ELF2: variants seen among roughly 807,000 people sequenced by gnomAD.
ELF2 encodes the protein E74 like ETS transcription factor 2.
ELF2 carries 11 observed loss-of-function variants against 54.8 expected under a neutral mutation model. That is an observed-to-expected ratio of 0.20 (90% CI 0.13 to 0.33). The LOEUF (loss-of-function observed/expected upper bound fraction) is 0.33. Among genes scored for constraint, ELF2 ranks in the 10% least tolerant of loss-of-function variants. The pLI is 1.00. For synonymous variants in ELF2, 203 were observed against 245.1 expected (o/e 0.83, Z 1.61); for missense variants, 513 against 703.0 (o/e 0.73, Z 3.06).
intron 4 of ELF2, among the ~76,000 whole-genome samples, chr4:139,096,916 G>C (rs77455916): frequency 0.011 from 1,701 of 151,898 alleles, 17 homozygotes; most frequent in South Asian, 0.025. Flanking sequence ...TCTTTAATCT[G>C]TCTTTACAGA....
intron 4 of ELF2, among the ~76,000 whole-genome samples, chr4:139,076,877 CATATT>C (rs1471400819): frequency 5.3e-5 from 8 of 152,084 alleles, no homozygotes; most frequent in Non-Finnish European, 1.0e-4. Flanking sequence ...TAAAATTCAA[CATATT>C]ATATCTCAGA....
intron 1 of ELF2, among the ~76,000 whole-genome samples, chr4:139,142,487 A>G (rs1738799047): frequency 6.6e-6 from 1 of 152,180 alleles, no homozygotes; most frequent in African/African-American, 2.4e-5. Context: ...CAGAGAGAAG[A>G]AAGGTTTTAC....
chr4:139,094,874 TTTTG>T (rs1161366156), intron 4 of ELF2, among the ~76,000 whole-genome samples: 3 of 152,092 alleles, frequency 2.0e-5, no homozygotes, highest in South Asian at 2.1e-4. Flanking sequence ...GGGTGTTTTG[TTTTG>T]TTTTTGTTTT....
chr4:139,116,646 T>G, intron 4 of ELF2: 1 of 984,486 alleles, frequency 1.0e-6, no homozygotes. Context: ...AAAACCAACC[T>G]ACCAGCATTG....
At chr4:139,083,806 G>C (rs574293621) in intron 4 of ELF2, among the ~76,000 whole-genome samples, 1 of 152,118 alleles carries the variant, frequency 6.6e-6, no homozygotes, top group Non-Finnish European at 1.5e-5. Context: ...CGCACAACTC[G>C]TCCGCCCCCG....
At chr4:139,154,342 C>A (rs964060258) in intron 1 of ELF2, among the ~76,000 whole-genome samples, 2 of 152,076 alleles carry the variant, frequency 1.3e-5, no homozygotes, top group African/African-American at 2.4e-5. Flanking sequence ...GTAGACGTAT[C>A]TAGTTCTTTT....
In ELF2 at chr4:139,059,398, G is replaced by C; in HGVS notation, c.1367C>G (p.Pro456Arg). 3 of 1,613,938 alleles carry C rather than the reference G, an allele frequency of 1.9e-6. No individual in the cohort carries two copies. Among genetic ancestry groups the C allele is most frequent in the Non-Finnish European group, 2.5e-6 (3 of 1,179,850 alleles). ...AGCTGGGATGGTAATAATTTTGGCA[G>C]GCTGCATGGTGATTTTGTCTCCATT... ...TENGDKITMQ[P>R]AKIITIPATQ... The change falls in exon 10 of 10, where the codon CCT (proline) becomes CGT (arginine). Residue 456 changes from proline to arginine, a missense_variant. Around this residue, in one of 3 missense-constraint regions of ELF2, gnomAD observed 291 missense variants for 366.1 expected, o/e 0.79. Coordinates refer to ENST00000686138, the MANE Select transcript of ELF2 (RefSeq NM_001331036.3).
At chr4:139,070,551 A>G (rs1560766402) in intron 6 of ELF2, among the ~76,000 whole-genome samples, 1 of 152,162 alleles carries the variant, frequency 6.6e-6, no homozygotes, top group African/African-American at 2.4e-5. Context: ...TCAGACCCCC[A>G]AAGTGCTGGG....
intron 4 of ELF2, among the ~76,000 whole-genome samples, chr4:139,104,871 TCA>T (rs1734262287): frequency 6.6e-6 from 1 of 152,188 alleles, no homozygotes; most frequent in African/African-American, 2.4e-5. Flanking sequence ...ACATTTGAAT[TCA>T]CTACCATACT....
At chr4:139,148,068 G>A (rs974706366) in intron 1 of ELF2, among the ~76,000 whole-genome samples, 7 of 149,004 alleles carry the variant, frequency 4.7e-5, no homozygotes, top group Non-Finnish European at 1.0e-4. Context: ...TTACAGGCAT[G>A]AGCCACCGTG....
chr4:139,113,669 A>T (rs1229929741), intron 4 of ELF2, among the ~76,000 whole-genome samples: 1 of 152,088 alleles, frequency 6.6e-6, no homozygotes, highest in African/African-American at 2.4e-5. Flanking sequence ...AGCCTGGCCA[A>T]CATGGTGAAA....
Position 139,158,707 on chromosome 4 carries a change from A to C in ELF2, c.-252+18260T>G, listed in dbSNP as rs190950214. ...AAAAACTAAACGGAATAAGAGAAGG[A>C]AAAAAGCAGGTATTAAAGGACTAAG... On this transcript the variant is annotated intron_variant, in intron 1 of 9. Transcript: ENST00000686138. Among the ~76,000 whole-genome samples the C allele has an allele frequency of 4.9e-3, 752 of 152,280 alleles. 10 individuals carry two copies. The highest frequency in any genetic ancestry group is 0.017 in the African/African-American group (716 of 41,550).
intron 4 of ELF2, among the ~76,000 whole-genome samples, chr4:139,087,452 CG>C (rs763269262): frequency 1.3e-5 from 2 of 152,130 alleles, no homozygotes; most frequent in Non-Finnish European, 2.9e-5. Flanking sequence ...TAGACAAACA[CG>C]TTTTTTTGTT....
At chr4:139,092,512 C>CT (rs1732780379) in intron 4 of ELF2, among the ~76,000 whole-genome samples, 1 of 151,320 alleles carries the variant, frequency 6.6e-6, no homozygotes, top group East Asian at 1.9e-4. Context: ...AATCCCACCA[C>CT]TTTGAGAGGC....
At chr4:139,115,085 C>T (rs921504084) in intron 4 of ELF2, 1 of 1,613,926 alleles carries the variant, frequency 6.2e-7, no homozygotes. Context: ...AGCTCATCCA[C>T]GTCAATCTCC....
chr4:139,133,536 A>C (rs140071068), intron 3 of ELF2, among the ~76,000 whole-genome samples: 2 of 152,204 alleles, frequency 1.3e-5, no homozygotes, highest in African/African-American at 4.8e-5. Context: ...CAATCCATAA[A>C]CTTGGTACAT....
chr4:139,177,489 TG>T (rs1262455212), upstream of ELF2, among the ~76,000 whole-genome samples: 4 of 151,288 alleles, frequency 2.6e-5, no homozygotes, highest in Non-Finnish European at 5.9e-5. Context: ...CTGCTTCTTT[TG>T]CTGTCTTGAA....
intron 5 of ELF2, among the ~76,000 whole-genome samples, chr4:139,072,598 G>T: frequency 6.6e-6 from 1 of 152,126 alleles, no homozygotes; most frequent in African/African-American, 2.4e-5. Flanking sequence ...TAATGTAACA[G>T]TCCTGATGTT....
intron 8 of ELF2, among the ~76,000 whole-genome samples, 176 bp from the exon 9 acceptor site, chr4:139,060,850 G>C (rs1265727191): frequency 6.6e-6 from 1 of 152,132 alleles, no homozygotes; most frequent in East Asian, 1.9e-4. Context: ...TACAAATTTA[G>C]AGTAGGAATC....
Sources: allele counts gnomAD v4.1 joint callset (sites outside exome capture counted in the v4.1 genomes callset), GRCh38; gene constraint gnomAD v4.1.1; regional missense constraint gnomAD v4.1.1; transcripts MANE v1.5; gene names NCBI Gene and HGNC (gene_info 2026-07-23, HGNC 2026-07-21).